UGT1A7: variants seen among roughly 807,000 people sequenced by gnomAD.
The protein encoded by UGT1A7 is UDP-glucuronosyltransferase 1A7.
In UGT1A7, 33 loss-of-function variants were observed where a neutral mutation model predicts 45.6. That is an observed-to-expected ratio of 0.72 (90% CI 0.55 to 0.97). The LOEUF (loss-of-function observed/expected upper bound fraction) is 0.97, where lower values mean the gene tolerates loss of function less well. Among genes scored for constraint, UGT1A7 ranks in the 50% least tolerant of loss-of-function variants. The probability of loss-of-function intolerance (pLI) is 0.00; values close to 1 mark genes in which losing one functional copy is unlikely to be tolerated. For synonymous variants in UGT1A7, 274 were observed against 250.6 expected (o/e 1.09, Z -0.88); for missense variants, 684 against 666.2 (o/e 1.03, Z -0.29).
At chr2:233,736,981 G>C (rs1363558721) in intron 1 of UGT1A7, among the ~76,000 whole-genome samples, 4 of 152,198 alleles carry the variant, frequency 2.6e-5, no homozygotes, top group Non-Finnish European at 5.9e-5. Flanking sequence ...TCCCAGTCAA[G>C]ATACACAGAG....
chr2:233,771,027 G>T (rs186703216), intron 4 of UGT1A7: 5 of 152,078 alleles, frequency 3.3e-5, no homozygotes, highest in Admixed American at 1.3e-4. Flanking sequence ...GAGAGAGTTG[G>T]GGGGGAAGGT....
At chr2:233,728,181 A>T (rs2077687901) in intron 1 of UGT1A7, among the ~76,000 whole-genome samples, 1 of 152,226 alleles carries the variant, frequency 6.6e-6, no homozygotes, top group South Asian at 2.1e-4. Context: ...CATTCTTATC[A>T]GAACTTGGTG....
intron 1 of UGT1A7, among the ~76,000 whole-genome samples, chr2:233,708,153 G>C (rs1349797259): frequency 6.6e-6 from 1 of 152,204 alleles, no homozygotes; most frequent in Admixed American, 6.5e-5. Context: ...TTCCACAGGG[G>C]AGTTGCCGGA....
chr2:233,772,858 A>G lies in UGT1A7; in HGVS notation c.*299A>G, dbSNP rs966644080. The G allele has an allele frequency of 2.8e-5, 20 of 719,678 alleles. No homozygotes were observed. The Admixed American group carries it at 5.6e-4, about 20-fold the overall frequency. 44.6% of individuals were successfully genotyped at this position (719,678 alleles called of 1,614,324 possible). ...TAGATTACTTTTCTTACTCTGAAAC[A>G]TGGCCTGTTTGGGAGTGCGGGATTC... On this transcript the variant is annotated 3_prime_UTR_variant, in exon 5 of 5. Coordinates refer to ENST00000373426, the MANE Select transcript of UGT1A7 (RefSeq NM_019077.3).
intron 1 of UGT1A7, chr2:233,748,083 G>T (rs1025205090): frequency 2.2e-5 from 36 of 1,612,854 alleles, no homozygotes; most frequent in Non-Finnish European, 2.8e-5. Context: ...ATCTCAGGTC[G>T]GTGTTCGTGC....
Position 233,687,479 on chromosome 2 carries a change from AT to A in UGT1A7, c.855+4692del, listed in dbSNP as rs998532501. On this transcript the variant is annotated intron_variant, in intron 1 of 4. Coordinates refer to ENST00000373426, the MANE Select transcript of UGT1A7 (RefSeq NM_019077.3). The stretch of plus-strand genomic sequence containing the variant: ...GGAAGCTGGCATTATTGGCAGACCT[AT>A]TTTTCAGATGATGAAACTGAGGCAC... Among the ~76,000 whole-genome samples, 107 of 150,260 alleles carry A rather than the reference AT, an allele frequency of 7.1e-4. 1 individual carries two copies. Among genetic ancestry groups the A allele is most frequent in the African/African-American group, 2.3e-3 (96 of 40,922 alleles).
intron 1 of UGT1A7, among the ~76,000 whole-genome samples, chr2:233,706,163 G>A (rs769337971): frequency 6.6e-6 from 1 of 152,200 alleles, no homozygotes; most frequent in East Asian, 1.9e-4. Context: ...CCTTCTAAAT[G>A]TGGAATGTGG....
chr2:233,735,838 C>T (rs1278519081), intron 1 of UGT1A7, among the ~76,000 whole-genome samples: 2 of 152,038 alleles, frequency 1.3e-5, no homozygotes, highest in Non-Finnish European at 2.9e-5. Context: ...AATATTGGCC[C>T]CCACTCTCTT....
chr2:233,737,601 C>T (rs2078898961), intron 1 of UGT1A7, among the ~76,000 whole-genome samples: 1 of 152,178 alleles, frequency 6.6e-6, no homozygotes, highest in African/African-American at 2.4e-5. Flanking sequence ...GAACCAGGTA[C>T]CTCAGTTGGA....
Position 233,767,861 on chromosome 2 carries a change from T to C in UGT1A7, c.1000T>C (p.Tyr334His). The C allele has an allele frequency of 1.9e-6, 3 of 1,614,194 alleles. No homozygotes were observed. In the South Asian group the frequency reaches 3.3e-5, roughly 18 times the overall value. ...TTGCCCCTCCCAGGTCCTGTGGCGG[T>C]ACACTGGAACCCGACCATCGAATCT... is the stretch of plus-strand genomic sequence containing the variant. ...GKIPQTVLWR[Y>H]TGTRPSNLAN... The change falls in exon 3 of 5, where the codon TAC becomes CAC. Residue 334 changes from tyrosine to histidine, a missense_variant. Transcript: ENST00000373426.
At chr2:233,747,339 C>CA (rs1401880990) in intron 1 of UGT1A7, 116 of 1,603,228 alleles carry the variant, frequency 7.2e-5, no homozygotes, top group South Asian at 2.9e-4. Context: ...GCCACTGGCT[C>CA]GCATGCGGGA....
rs541996220 is a variant in UGT1A7 at position 233,687,430 on chromosome 2, AG to A, written c.855+4640del. ...ATATATTGGAGGCTTACCGTGTACC[AG>A]GTGCTACCCTAAGTATTTACATGGA... is the stretch of plus-strand genomic sequence containing the variant. On this transcript the variant is annotated intron_variant, in intron 1 of 4. Transcript: ENST00000373426. Among the ~76,000 whole-genome samples, 100 of 152,226 alleles carry A rather than the reference AG, an allele frequency of 6.6e-4. 2 individuals are homozygous for A. In the Middle Eastern group the frequency reaches 0.02, roughly 31 times the overall value.
intron 1 of UGT1A7, among the ~76,000 whole-genome samples, chr2:233,764,647 G>A (rs1256748841): frequency 6.6e-6 from 1 of 152,124 alleles, no homozygotes; most frequent in Non-Finnish European, 1.5e-5. Context: ...GGAAATTTAA[G>A]TAAGCCATTT....
At position 233,772,432 on chromosome 2, in the gene UGT1A7, T is replaced by C. The variant is rs771600393; in HGVS notation, c.1466T>C (p.Ile489Thr). 4.3e-6 allele frequency: 7 copies of C among 1,614,238 alleles called. No homozygotes were observed. Among genetic ancestry groups the C allele is most frequent in the Middle Eastern group, 1.6e-4 (1 of 6,062 alleles). Residue 489 changes from isoleucine to threonine, a missense_variant, in exon 5 of 5, where the codon ATT (isoleucine) becomes ACT (threonine). Physicochemically the swap from Ile to Thr is moderately conservative, Grantham distance 89 (BLOSUM62 -1). Coordinates refer to ENST00000373426, the MANE Select transcript of UGT1A7 (RefSeq NM_019077.3). ...TWYQYHSLDV[I>T]GFLLAVVLTV... Reference sequence around the variant, plus strand: ...TACCAGTACCATTCCTTGGACGTGATTGGTTTCCTCTTGGCCGTCGTGCTG... The same window carrying C: ...TACCAGTACCATTCCTTGGACGTGACTGGTTTCCTCTTGGCCGTCGTGCTG...
chr2:233,768,154 C>G, intron 3 of UGT1A7, 66 bp from the exon 4 acceptor site: 1 of 1,612,760 alleles, frequency 6.2e-7, no homozygotes, highest in Non-Finnish European at 8.5e-7. Context: ...TTTTCAGAAC[C>G]TAGATGTGTC....
At chr2:233,690,890 A>T in intron 1 of UGT1A7, 16 of 1,058,460 alleles carry the variant, frequency 1.5e-5, no homozygotes, top group Non-Finnish European at 1.8e-5. Context: ...AATTCAAGGG[A>T]TGGTATGCAT....
intron 1 of UGT1A7, among the ~76,000 whole-genome samples, chr2:233,724,775 C>T (rs2077310067): frequency 7.0e-6 from 1 of 142,494 alleles, no homozygotes; most frequent in Non-Finnish European, 1.5e-5. Context: ...GGCAGAGACA[C>T]TCCTCACTTC....
intron 1 of UGT1A7, chr2:233,713,918 A>G (rs1452399293): frequency 2.5e-6 from 4 of 1,612,224 alleles, no homozygotes; most frequent in Non-Finnish European, 3.4e-6. Context: ...TAAAAAATGT[A>G]TTTACTTACA....
chr2:233,742,167 C>G (rs1211667030), intron 1 of UGT1A7, among the ~76,000 whole-genome samples: 2 of 151,916 alleles, frequency 1.3e-5, no homozygotes, highest in Non-Finnish European at 2.9e-5. Flanking sequence ...GACACACACA[C>G]AGAAATATAG....
Sources: gnomAD v4.1 joint callset for allele counts (sites outside exome capture counted in the v4.1 genomes callset) on GRCh38, gnomAD v4.1.1 for gene constraint, MANE v1.5 for transcripts, NCBI Gene and HGNC (gene_info 2026-07-23, HGNC 2026-07-21) for gene names.